The following STAG2 variants were observed in gnomAD, a reference collection of about 807,000 sequenced individuals.
The protein encoded by STAG2 is STAG2 cohesin complex component.
STAG2 carries 14 observed loss-of-function variants against 108.1 expected under a neutral mutation model. That is an observed-to-expected ratio of 0.13 (90% CI 0.09 to 0.20). The LOEUF is 0.20. Ranked by LOEUF, STAG2 falls within the 10% of genes least tolerant of loss-of-function variation. The probability of loss-of-function intolerance (pLI) is 1.00; values close to 1 mark genes in which losing one functional copy is unlikely to be tolerated. For missense variants in STAG2, 440 were observed against 940.9 expected, an observed-to-expected ratio of 0.47 and a Z score of 6.96; for synonymous variants, 307 against 302.7, an observed-to-expected ratio of 1.01 and a Z score of -0.15.
chrX:123,977,000 C>CT (rs35301750), intron 1 of STAG2, among the ~76,000 whole-genome samples: 1 of 111,895 alleles, frequency 8.9e-6, no homozygotes, highest in Non-Finnish European at 1.9e-5. Context: ...GGTCAGGAAC[C>CT]TTTTGGGGGA....
At chrX:124,018,494 A>G (rs4028222) in intron 1 of STAG2, among the ~76,000 whole-genome samples, 17,677 of 109,873 alleles carry the variant, frequency 0.16, 1,184 homozygotes, top group South Asian at 0.37. Flanking sequence ...GGACAGACGG[A>G]CGGATGGATG....
intron 1 of STAG2, among the ~76,000 whole-genome samples, chrX:124,015,184 C>T (rs1232361857): frequency 2.8e-5 from 3 of 106,296 alleles, no homozygotes; most frequent in Non-Finnish European, 5.8e-5. Flanking sequence ...GATGGGGTTT[C>T]ACCGTGTTAG....
intron 1 of STAG2, among the ~76,000 whole-genome samples, chrX:123,972,820 A>C: frequency 1.1e-5 from 1 of 88,573 alleles, no homozygotes; most frequent in Non-Finnish European, 2.2e-5. Flanking sequence ...GGAGTTCAAG[A>C]CCAGTCTGGG....
intron 5 of STAG2, among the ~76,000 whole-genome samples, chrX:124,033,541 C>T (rs188819984): frequency 1.3e-4 from 15 of 111,560 alleles, no homozygotes; most frequent in East Asian, 8.4e-4. Context: ...GTAGGTGGAT[C>T]GCCTGAGGTC....
At chrX:123,995,023 C>T (rs1306242047) in intron 1 of STAG2, among the ~76,000 whole-genome samples, 1 of 111,853 alleles carries the variant, frequency 8.9e-6, no homozygotes, top group Non-Finnish European at 1.9e-5. Flanking sequence ...AAAACCTCTG[C>T]AAACTCCTAT....
intron 15 of STAG2, among the ~76,000 whole-genome samples, chrX:124,058,498 T>A (rs1428395906): frequency 8.9e-6 from 1 of 112,604 alleles, no homozygotes; most frequent in Non-Finnish European, 1.9e-5. Context: ...TTATGTATAG[T>A]GCTGAGAATA....
In STAG2 at chrX:124,061,763, T is replaced by C; in HGVS notation, c.1535-8T>C. 1.0e-6 allele frequency: 1 copy of C among 967,110 alleles called. No individual in the cohort carries two copies. The highest frequency in any genetic ancestry group is 1.4e-6 in the Non-Finnish European group (1 of 731,822). The allele number at this position is 967,110 out of a possible 1,213,427, so 79.7% of individuals were successfully genotyped here. A position where few individuals can be genotyped will look rare whatever the true frequency, so the allele number is the denominator to read the frequency against. On this transcript the variant is annotated splice_region_variant and splice_polypyrimidine_tract_variant and intron_variant, in intron 16 of 34. Transcript: ENST00000371145. The stretch of plus-strand genomic sequence containing the variant: ...TCTGACTTTTTTTTTTTTTTTTTTT[T>C]TTTTTAGCACTAACAGATAGGCAAG...
At chrX:124,084,575 C>T (rs1039773553) in intron 29 of STAG2, among the ~76,000 whole-genome samples, 1 of 111,156 alleles carries the variant, frequency 9.0e-6, no homozygotes, top group Non-Finnish European at 1.9e-5. Context: ...ACCTTGGCCT[C>T]GCAAAGTGCT....
At chrX:124,044,169 T>C (rs5958377) in intron 7 of STAG2, among the ~76,000 whole-genome samples, 53,625 of 109,701 alleles carry the variant, frequency 0.49, 10,582 homozygotes, top group Non-Finnish European at 0.61. Context: ...CCTTTTAATA[T>C]TGAATGTTTT....
intron 1 of STAG2, among the ~76,000 whole-genome samples, chrX:124,007,150 C>T (rs1479395092): frequency 3.9e-5 from 4 of 103,377 alleles, no homozygotes; most frequent in African/African-American, 1.4e-4. Flanking sequence ...CCACCCTTTC[C>T]CCCTCTCCCT....
intron 30 of STAG2, among the ~76,000 whole-genome samples, chrX:124,089,554 C>T (rs2059200366): frequency 4.5e-5 from 5 of 111,276 alleles, no homozygotes. Context: ...TCTCACTCAC[C>T]TAGGCCACAC....
intron 25 of STAG2, among the ~76,000 whole-genome samples, chrX:124,072,484 G>A (rs1354131072): frequency 1.8e-5 from 2 of 111,264 alleles, no homozygotes; most frequent in Non-Finnish European, 3.8e-5. Context: ...AATCCATGTA[G>A]TGAAGTTTAT....
chrX:124,045,167 A>G lies in STAG2; in HGVS notation c.466A>G (p.Ser156Gly). The change falls in exon 8 of 35, where the codon AGT (serine) becomes GGT (glycine). Residue 156 changes from serine (S) to glycine (G), a missense_variant. Ser to Gly is a moderately conservative substitution (Grantham distance 56). Transcript: ENST00000371145. ...CTGTTTTAAATTTTTGTTTTAGGATAGTGGAGATTATCCACTTACCATGGC... is the reference window on the plus strand; with the variant it reads ...CTGTTTTAAATTTTTGTTTTAGGATGGTGGAGATTATCCACTTACCATGGC... The part of the protein sequence containing the change: ...RKMTEEFDED[S>G]GDYPLTMAGP... The G allele has an allele frequency of 8.3e-7, 1 of 1,210,051 alleles. No homozygotes were observed. The highest frequency in any genetic ancestry group is 1.1e-6 in the Non-Finnish European group (1 of 894,524).
In STAG2 at chrX:124,004,114, A is replaced by C. The variant is rs75705977; in HGVS notation, c.-162-17253A>C. The stretch of plus-strand genomic sequence containing the variant: ...CTCTGGAACTTTTTCTTTTTTGAAA[A>C]CTTTCTAGAGGTTCATATTTATTGG... On this transcript the variant is annotated intron_variant, in intron 1 of 34. Coordinates refer to ENST00000371145, the MANE Select transcript of STAG2 (RefSeq NM_001042750.2). Among the ~76,000 whole-genome samples the C allele has an allele frequency of 2.6e-4, 29 of 111,493 alleles. No homozygotes were observed. In the East Asian group the frequency reaches 7.6e-3, roughly 29 times the overall value.
chrX:123,981,909 A>AAT (rs1273774781), intron 1 of STAG2, among the ~76,000 whole-genome samples: 1 of 111,586 alleles, frequency 9.0e-6, no homozygotes, highest in African/African-American at 3.3e-5. Context: ...TAATTGTAAT[A>AAT]ATATATATAT....
rs753962272 is a variant in STAG2 at position 123,971,119 on chromosome X, G to A, written c.-163+9263G>A. On this transcript the variant is annotated intron_variant, in intron 1 of 34. Transcript: ENST00000371145. ...CAAATAACTTGCCCACTTAGTAAGC[G>A]GTAAGAAGGGATTTAAAACCTCTGT... Among the ~76,000 whole-genome samples, 11 of 111,948 alleles carry A rather than the reference G, an allele frequency of 9.8e-5. No individual in the cohort carries two copies. The East Asian group carries it at 2.8e-3, about 29-fold the overall frequency.
rs1198817281 is a variant in STAG2 at position 124,076,332 on chromosome X, A to G, written c.2534A>G (p.Asp845Gly). 1 of 1,206,881 alleles carries G rather than the reference A, an allele frequency of 8.3e-7. No individual in the cohort carries two copies. The highest frequency in any genetic ancestry group is 1.1e-6 in the Non-Finnish European group (1 of 893,718). Residue 845 changes from aspartate (D) to glycine (G), a missense_variant and splice_region_variant, in exon 26 of 35, where the codon GAT becomes GGT. Transcript: ENST00000371145. Reference sequence around the variant, plus strand: ...TTAATGTTTGGGACTTTTTCTCCAGATGGTCAGCAAGAGGATGAAGCCAGT... The same window carrying G: ...TTAATGTTTGGGACTTTTTCTCCAGGTGGTCAGCAAGAGGATGAAGCCAGT... ...IEQDDDNNSADGQQEDEASKI... is the reference protein window; with the variant it reads ...IEQDDDNNSAGGQQEDEASKI...
At chrX:124,059,534 CT>C (rs1434339634) in intron 15 of STAG2, among the ~76,000 whole-genome samples, 2 of 111,899 alleles carry the variant, frequency 1.8e-5, no homozygotes, top group Non-Finnish European at 3.8e-5. Context: ...TATTTTTATC[CT>C]TTATTATGTT....
chrX:124,061,768 T>TTTTTGCAAAAA lies in STAG2; in HGVS notation c.1535-3_1535-2insTTTTGCAAAAA. 1.1e-6 allele frequency: 1 copy of TTTTTGCAAAAA among 895,487 alleles called. No individual in the cohort carries two copies. The highest frequency in any genetic ancestry group is 1.5e-6 in the Non-Finnish European group (1 of 660,456). 73.8% of individuals were successfully genotyped at this position (895,487 alleles called of 1,213,427 possible). A position where few individuals can be genotyped will look rare whatever the true frequency, so the allele number is the denominator to read the frequency against. ...CTTTTTTTTTTTTTTTTTTTTTTTT[T>TTTTTGCAAAAA]AGCACTAACAGATAGGCAAGAGAGT... On this transcript the variant is annotated splice_polypyrimidine_tract_variant and splice_region_variant and intron_variant, in intron 16 of 34. Coordinates refer to ENST00000371145, the MANE Select transcript of STAG2 (RefSeq NM_001042750.2).
Sources: allele counts gnomAD v4.1 joint callset (sites outside exome capture counted in the v4.1 genomes callset), GRCh38; gene constraint gnomAD v4.1.1; transcripts MANE v1.5; gene names NCBI Gene and HGNC (gene_info 2026-07-23, HGNC 2026-07-21).